Variants in MEF2A observed in about 807,000 individuals in gnomAD.
MEF2A encodes the protein myocyte-specific enhancer factor 2A.
In MEF2A, 28 loss-of-function variants were observed where a neutral mutation model predicts 55.8. The ratio of observed to expected loss-of-function variants is 0.50; its 90% confidence interval spans 0.37 to 0.69. MEF2A has a LOEUF of 0.69. Ranked by LOEUF, MEF2A falls within the 30% of genes least tolerant of loss-of-function variation. MEF2A has a pLI of 0.00. For missense variants in MEF2A, 528 were observed against 626.2 expected, an observed-to-expected ratio of 0.84 and a Z score of 1.67; for synonymous variants, 239 against 227.1, an observed-to-expected ratio of 1.05 and a Z score of -0.47.
chr15:99,702,516 C>T (rs906620358), intron 8 of MEF2A, among the ~76,000 whole-genome samples: 5 of 151,116 alleles, frequency 3.3e-5, no homozygotes, highest in South Asian at 2.1e-4. Context: ...TAACCTCTGC[C>T]GCCCGGGTTC....
intron 1 of MEF2A, among the ~76,000 whole-genome samples, chr15:99,580,340 A>G (rs574941747): frequency 2.0e-5 from 3 of 151,770 alleles, no homozygotes; most frequent in Non-Finnish European, 4.4e-5. Context: ...TTGTTTTTTC[A>G]CATGGTTTAG....
chr15:99,579,395 T>C (rs894640197), intron 1 of MEF2A, among the ~76,000 whole-genome samples: 2 of 152,006 alleles, frequency 1.3e-5, no homozygotes, highest in African/African-American at 2.4e-5. Context: ...ACTTTATTTT[T>C]CTTTTGTCCT....
At chr15:99,665,133 C>T (rs1206471395) in intron 4 of MEF2A, among the ~76,000 whole-genome samples, 1 of 152,230 alleles carries the variant, frequency 6.6e-6, no homozygotes, top group Non-Finnish European at 1.5e-5. Flanking sequence ...TAATGTCCAT[C>T]TCTGCAGTGT....
intron 3 of MEF2A, among the ~76,000 whole-genome samples, chr15:99,644,607 A>AT (rs1265722391): frequency 2.0e-5 from 3 of 152,272 alleles, no homozygotes; most frequent in African/African-American, 7.2e-5. Flanking sequence ...ATAGGTATCC[A>AT]TGGGGAAAAT....
intron 3 of MEF2A, among the ~76,000 whole-genome samples, chr15:99,641,695 G>C (rs930498454): frequency 1.3e-5 from 2 of 152,156 alleles, no homozygotes; most frequent in East Asian, 1.9e-4. Context: ...TTGCACTCCA[G>C]CCTGGGCGAC....
rs1359000862 is a variant in MEF2A at position 99,712,491 on chromosome 15, C to G, written c.1238C>G (p.Thr413Ser). Residue 413 changes from threonine (T) to serine (S), a missense_variant, in exon 12 of 12, where the codon ACC becomes AGC. Thr to Ser is a moderately conservative substitution (Grantham distance 58). Transcript: ENST00000557942. The surrounding 1 kb of genome is among the most constrained non-coding windows in gnomAD (Gnocchi z 4.1). ...EPISPPRDRM[T>S]PSGFQQQQQQ... is the part of the protein sequence containing the mutation. Reference sequence around the variant, plus strand: ...ATTTCACCTCCTCGGGATCGTATGACCCCATCGGGCTTCCAGCAGCAGCAG... The same window carrying G: ...ATTTCACCTCCTCGGGATCGTATGAGCCCATCGGGCTTCCAGCAGCAGCAG... The G allele has an allele frequency of 1.3e-6, 2 of 1,550,206 alleles. No individual in the cohort carries two copies. Among genetic ancestry groups the G allele is most frequent in the Non-Finnish European group, 1.7e-6 (2 of 1,146,694 alleles).
At chr15:99,619,730 G>GCAAA (rs2040814834) in intron 2 of MEF2A, among the ~76,000 whole-genome samples, 1 of 152,088 alleles carries the variant, frequency 6.6e-6, no homozygotes, top group Non-Finnish European at 1.5e-5. Flanking sequence ...GCAAATGTGT[G>GCAAA]GTATTTTATT....
intron 7 of MEF2A, among the ~76,000 whole-genome samples, chr15:99,688,318 A>G (rs2054697295): frequency 6.6e-6 from 1 of 152,234 alleles, no homozygotes; most frequent in Non-Finnish European, 1.5e-5. Context: ...TAGGGGATGT[A>G]TTAACTTACA....
At chr15:99,687,084 C>CTTTTTTTTTTTTTTTTTT (rs71149484) in intron 7 of MEF2A, among the ~76,000 whole-genome samples, 3 of 67,750 alleles carry the variant, frequency 4.4e-5, no homozygotes, top group African/African-American at 1.3e-4. Context: ...ATTAATTTTT[C>CTTTTTTTTTTTTTTTTTT]TTTTTTTTTT....
intron 1 of MEF2A, among the ~76,000 whole-genome samples, chr15:99,571,849 C>A (rs1817128148): frequency 6.6e-6 from 1 of 152,120 alleles, no homozygotes; most frequent in Non-Finnish European, 1.5e-5. Flanking sequence ...TCTCTTAAGT[C>A]CAATCCATCC....
rs561756342 is a variant in MEF2A, at chr15:99,596,064, G to A, written c.-224-2366G>A. Among the ~76,000 whole-genome samples, 6 of 151,896 alleles carry A rather than the reference G, an allele frequency of 4.0e-5. No individual in the cohort carries two copies. In the South Asian group the frequency reaches 1.3e-3, roughly 32 times the overall value. On this transcript the variant is annotated intron_variant, in intron 1 of 11. Coordinates refer to ENST00000557942, the MANE Select transcript of MEF2A (RefSeq NM_001319206.4). ...AGAGCGTGTCTCATTACAGATTATT[G>A]TAAAATAACTATAAAAACTTGATTT...
intron 4 of MEF2A, among the ~76,000 whole-genome samples, chr15:99,670,282 A>G (rs2050603709): frequency 6.6e-6 from 1 of 152,178 alleles, no homozygotes; most frequent in African/African-American, 2.4e-5. Flanking sequence ...AGTCAGTATA[A>G]TCCAGGAGAT....
intron 2 of MEF2A, among the ~76,000 whole-genome samples, chr15:99,621,890 C>G (rs2041245647): frequency 6.6e-6 from 1 of 152,064 alleles, no homozygotes; most frequent in South Asian, 2.1e-4. Context: ...AGTTGATTGG[C>G]CAGAGTCATC....
chr15:99,622,217 C>T (rs1435051830), intron 2 of MEF2A, among the ~76,000 whole-genome samples: 1 of 152,008 alleles, frequency 6.6e-6, no homozygotes, highest in South Asian at 2.1e-4. Flanking sequence ...TTTTCAGTTA[C>T]CTGAGTATTC....
chr15:99,566,615 C>T (rs552160451), intron 1 of MEF2A: 3 of 152,354 alleles, frequency 2.0e-5, no homozygotes, highest in South Asian at 2.1e-4. Flanking sequence ...CTCTGAGGGC[C>T]CTTTCCTTCC....
chr15:99,667,528 A>G (rs1355549662), intron 4 of MEF2A, among the ~76,000 whole-genome samples: 2 of 152,084 alleles, frequency 1.3e-5, no homozygotes, highest in African/African-American at 2.4e-5. Context: ...CGGCCGTAAC[A>G]TAGTTTTTTA....
chr15:99,645,287 C>G (rs1030336561), intron 3 of MEF2A, among the ~76,000 whole-genome samples: 1 of 152,156 alleles, frequency 6.6e-6, no homozygotes, highest in East Asian at 1.9e-4. Context: ...TCAACTGTTC[C>G]TTCTGTGGTG....
chr15:99,698,793 A>G (rs921906829), intron 8 of MEF2A, among the ~76,000 whole-genome samples: 1 of 143,546 alleles, frequency 7.0e-6, no homozygotes, highest in African/African-American at 2.7e-5. Context: ...ACTCTGTCTC[A>G]AAAAAAAAAA....
intron 4 of MEF2A, among the ~76,000 whole-genome samples, chr15:99,649,224 A>G (rs1392803497): frequency 2.6e-5 from 4 of 152,186 alleles, no homozygotes; most frequent in African/African-American, 7.2e-5. Flanking sequence ...TTGAGGATGT[A>G]TATATCCCCT....
Sources: gnomAD v4.1 joint callset for allele counts (sites outside exome capture counted in the v4.1 genomes callset) on GRCh38, gnomAD v4.1.1 for gene constraint, Gnocchi (gnomAD v3.1) non-coding constraint, MANE v1.5 for transcripts, NCBI Gene and HGNC (gene_info 2026-07-23, HGNC 2026-07-21) for gene names.